NPAS3: variants seen among roughly 807,000 people sequenced by gnomAD.
NPAS3 encodes neuronal PAS domain protein 3, also known as neuronal PAS domain-containing protein 3.
A neutral mutation model predicts 73.1 loss-of-function variants in NPAS3; 14 were observed. The ratio of observed to expected loss-of-function variants is 0.19; its 90% CI spans 0.13 to 0.30. NPAS3 has a LOEUF of 0.30. Among genes scored for constraint, NPAS3 ranks in the 10% least tolerant of loss-of-function variants. The pLI, the probability that NPAS3 is intolerant of heterozygous loss-of-function variation, is 1.00. For missense variants in NPAS3, 1,096 were observed against 1,250.0 expected, an observed-to-expected ratio of 0.88 and a Z score of 1.86; for synonymous variants, 620 against 541.5, an observed-to-expected ratio of 1.14 and a Z score of -2.01.
intron 6 of NPAS3, among the ~76,000 whole-genome samples, chr14:33,711,396 C>T (rs982168489): frequency 5.3e-5 from 8 of 152,080 alleles, no homozygotes; most frequent in Admixed American, 1.3e-4. Flanking sequence ...TTTTAAAATG[C>T]GACCGGACAA....
intron 2 of NPAS3, among the ~76,000 whole-genome samples, chr14:33,148,804 C>G (rs2139226844): frequency 6.6e-6 from 1 of 152,242 alleles, no homozygotes; most frequent in South Asian, 2.1e-4. Context: ...ATTCCCACCT[C>G]AGCGTCCCAA....
chr14:33,553,347 AATTCTGCTGCCTCTTT>A (rs1330838785), intron 4 of NPAS3, among the ~76,000 whole-genome samples: 2 of 152,178 alleles, frequency 1.3e-5, no homozygotes, highest in Non-Finnish European at 2.9e-5. Flanking sequence ...TCTCTCCTTT[AATTCTGCTGCCTCTTT>A]ATTCTGCTGC....
intron 2 of NPAS3, among the ~76,000 whole-genome samples, chr14:33,122,671 G>A (rs1193006532): frequency 1.3e-5 from 2 of 152,080 alleles, no homozygotes; most frequent in East Asian, 3.9e-4. Context: ...CTTCATGCCA[G>A]GAAGGGGGCT....
At chr14:33,693,956 A>G (rs1295764558) in intron 6 of NPAS3, among the ~76,000 whole-genome samples, 1 of 152,102 alleles carries the variant, frequency 6.6e-6, no homozygotes, top group Non-Finnish European at 1.5e-5. Context: ...GACTAACTTA[A>G]AGAATTGAGC....
At chr14:32,938,797 G>C (rs1425769678), upstream of NPAS3, among the ~76,000 whole-genome samples, 1 of 147,684 alleles carries the variant, frequency 6.8e-6, no homozygotes, top group Non-Finnish European at 1.5e-5. Flanking sequence ...GCGGGGCCCT[G>C]GGCCGGGCTG....
rs74726763 is a variant in NPAS3, at chr14:33,316,144, A to G, written c.386-51042A>G. Reference sequence around the variant, plus strand: ...AACGATTCCCAGAATTATCTCAGAGAAAATGGAGCTCACTGAGCATTTCTG... The same window carrying G: ...AACGATTCCCAGAATTATCTCAGAGGAAATGGAGCTCACTGAGCATTTCTG... On this transcript the variant is annotated intron_variant, in intron 3 of 11. Transcript: ENST00000356141. Among the ~76,000 whole-genome samples the G allele has an allele frequency of 0.01, 1,598 of 152,236 alleles. 104 individuals are homozygous for G. The East Asian group carries it at 0.14, about 14-fold the overall frequency.
At chr14:33,675,994 A>C (rs1476455493) in intron 5 of NPAS3, among the ~76,000 whole-genome samples, 3 of 152,016 alleles carry the variant, frequency 2.0e-5, no homozygotes, top group African/African-American at 4.8e-5. Context: ...AAAAAAAAAA[A>C]CTGAGCTTAA....
At chr14:33,550,189 GT>G (rs1255511608) in intron 4 of NPAS3, among the ~76,000 whole-genome samples, 9 of 152,124 alleles carry the variant, frequency 5.9e-5, no homozygotes, top group African/African-American at 2.2e-4. Context: ...TTTGGGGTTT[GT>G]TTTGTTTTGT....
intron 4 of NPAS3, among the ~76,000 whole-genome samples, chr14:33,533,170 T>C (rs925314925): frequency 7.9e-5 from 12 of 152,164 alleles, no homozygotes; most frequent in African/African-American, 2.4e-4. Context: ...ATGATTACTT[T>C]AGAATTTTTA....
chr14:33,736,566 T>C (rs923077359), intron 7 of NPAS3, among the ~76,000 whole-genome samples: 3 of 152,184 alleles, frequency 2.0e-5, no homozygotes, highest in Admixed American at 2.0e-4. Flanking sequence ...TCTATTGCCC[T>C]GCCTTGCTGC....
intron 1 of NPAS3, among the ~76,000 whole-genome samples, chr14:32,988,635 C>A (rs1278542108): frequency 6.6e-6 from 1 of 152,072 alleles, no homozygotes; most frequent in African/African-American, 2.4e-5. Context: ...TTTTATAACA[C>A]CAATGGGGTG....
intron 5 of NPAS3, among the ~76,000 whole-genome samples, chr14:33,629,239 A>G (rs1462004479): frequency 6.6e-6 from 1 of 151,742 alleles, no homozygotes; most frequent in Non-Finnish European, 1.5e-5. Flanking sequence ...CATCTCAAAA[A>G]AAAAAAAAAA....
At chr14:33,622,433 T>A (rs2058102020) in intron 5 of NPAS3, among the ~76,000 whole-genome samples, 1 of 152,200 alleles carries the variant, frequency 6.6e-6, no homozygotes, top group Admixed American at 6.5e-5. Context: ...CCATATAGAA[T>A]TTTGTTCTTT....
intron 2 of NPAS3, among the ~76,000 whole-genome samples, chr14:33,142,056 A>C (rs1211702588): frequency 6.6e-6 from 1 of 151,796 alleles, no homozygotes; most frequent in Non-Finnish European, 1.5e-5. Context: ...GGCTCTACCT[A>C]TTTTTCTGTT....
intron 4 of NPAS3, among the ~76,000 whole-genome samples, chr14:33,501,578 T>G (rs2139916716): frequency 6.6e-6 from 1 of 151,974 alleles, no homozygotes; most frequent in East Asian, 1.9e-4. Flanking sequence ...ATAGAATCTT[T>G]CAGATTCCTA....
intron 7 of NPAS3, among the ~76,000 whole-genome samples, chr14:33,737,933 G>C (rs922912005): frequency 2.6e-5 from 4 of 152,114 alleles, no homozygotes; most frequent in African/African-American, 7.2e-5. Flanking sequence ...AAGATGTCAA[G>C]CTTTGCTCAG....
At chr14:33,234,359 T>C (rs1438297497) in intron 3 of NPAS3, among the ~76,000 whole-genome samples, 2 of 152,078 alleles carry the variant, frequency 1.3e-5, no homozygotes, top group African/African-American at 4.8e-5. Context: ...CGCATGCAAA[T>C]AGGAATTCAG....
At chr14:33,514,466 C>A (rs572696705) in intron 4 of NPAS3, among the ~76,000 whole-genome samples, 1 of 152,084 alleles carries the variant, frequency 6.6e-6, no homozygotes, top group African/African-American at 2.4e-5. Context: ...TTGTGATGCC[C>A]AAATTGGTTG....
intron 2 of NPAS3, among the ~76,000 whole-genome samples, chr14:33,202,998 A>C (rs1349075030): frequency 2.0e-5 from 3 of 152,248 alleles, no homozygotes; most frequent in Non-Finnish European, 4.4e-5. Flanking sequence ...GTCTGTTCCC[A>C]TTATGTGAAG....
Sources: allele counts gnomAD v4.1 joint callset (sites outside exome capture counted in the v4.1 genomes callset), GRCh38; gene constraint gnomAD v4.1.1; transcripts MANE v1.5; gene names NCBI Gene and HGNC (gene_info 2026-07-23, HGNC 2026-07-21).